The following PRKN variants were observed in gnomAD, a reference collection of about 807,000 sequenced individuals.
PRKN encodes E3 ubiquitin-protein ligase parkin.
PRKN carries 56 observed loss-of-function variants against 59.5 expected under a neutral mutation model. The ratio of observed to expected loss-of-function variants is 0.94; its 90% confidence interval spans 0.76 to 1.18. PRKN has a LOEUF of 1.18. PRKN is among the 50% of genes most tolerant of loss of function. The probability of loss-of-function intolerance (pLI) is 0.00; values close to 1 mark genes in which losing one functional copy is unlikely to be tolerated. For missense variants in PRKN, 657 were observed against 596.4 expected, an observed-to-expected ratio of 1.10 and a Z score of -1.06; for synonymous variants, 250 against 222.1, an observed-to-expected ratio of 1.13 and a Z score of -1.12.
At chr6:162,400,472 A>AAAAAAAAAG (rs1204875174) in intron 2 of PRKN, among the ~76,000 whole-genome samples, 1 of 151,266 alleles carries the variant, frequency 6.6e-6, no homozygotes, top group Non-Finnish European at 1.5e-5. Context: ...AAAAAAAAAA[A>AAAAAAAAAG]AAAAAAAGCT....
chr6:162,670,154 A>G (rs1028456031), intron 1 of PRKN, among the ~76,000 whole-genome samples: 1 of 152,182 alleles, frequency 6.6e-6, no homozygotes, highest in Non-Finnish European at 1.5e-5. Context: ...GAACTCTATC[A>G]ATTTCAAACT....
At chr6:161,829,849 C>CAAAAA (rs11457054) in intron 6 of PRKN, among the ~76,000 whole-genome samples, 1 of 86,444 alleles carries the variant, frequency 1.2e-5, no homozygotes. Context: ...CACTAAATGC[C>CAAAAA]AAAAAAAAAA....
At chr6:162,720,929 A>C (rs1052664487) in intron 1 of PRKN, among the ~76,000 whole-genome samples, 8 of 152,238 alleles carry the variant, frequency 5.3e-5, no homozygotes, top group African/African-American at 1.9e-4. Context: ...TCAAAGAAGG[A>C]GATACAAACT....
At chr6:162,311,182 T>C (rs956940674) in intron 2 of PRKN, among the ~76,000 whole-genome samples, 7 of 152,210 alleles carry the variant, frequency 4.6e-5, no homozygotes, top group African/African-American at 7.2e-5. Flanking sequence ...GAAAGATTGC[T>C]GATTTATAAC....
chr6:161,809,701 A>C (rs1791483087), intron 6 of PRKN, among the ~76,000 whole-genome samples: 1 of 152,192 alleles, frequency 6.6e-6, no homozygotes, highest in South Asian at 2.1e-4. Context: ...TATACTGATA[A>C]TAAATTTTTC....
At chr6:162,153,666 G>C (rs1782373896) in intron 4 of PRKN, among the ~76,000 whole-genome samples, 1 of 152,140 alleles carries the variant, frequency 6.6e-6, no homozygotes, top group Admixed American at 6.6e-5. Flanking sequence ...AGTGATGAAA[G>C]AGGCCCTCAG....
Position 161,911,681 on chromosome 6 carries a change from G to A in PRKN, c.734+61621C>T, listed in dbSNP as rs543491387. Among the ~76,000 whole-genome samples, 14 of 152,226 alleles carry A rather than the reference G, an allele frequency of 9.2e-5. No individual in the cohort carries two copies. In the South Asian group the frequency reaches 1.9e-3, roughly 20 times the overall value. ...ACAGAGAGTATGGAAATAAATACCC[G>A]TCAGTATAGAAATGTAGTATATCAT... On this transcript the variant is annotated intron_variant, in intron 6 of 11. Coordinates refer to ENST00000366898, the MANE Select transcript of PRKN (RefSeq NM_004562.3).
rs184021411 is a variant in PRKN at position 161,444,850 on chromosome 6, G to A, written c.1084-57973C>T. ...CCCGTGGTTTTGGCCAGAGGTATTT[G>A]TTATCAGTTTAATAGATTTATTCCT... On this transcript the variant is annotated intron_variant, in intron 9 of 11. Transcript: ENST00000366898. This position sits in a 1 kb window ranked among gnomAD's most constrained non-coding sequence, Gnocchi z 5.6. 3.0e-4 allele frequency among the ~76,000 whole-genome samples: 46 copies of A among 152,222 alleles called. 1 individual carries two copies. The East Asian group carries it at 8.7e-3, about 29-fold the overall frequency.
At chr6:161,675,403 G>A (rs1379496290) in intron 7 of PRKN, among the ~76,000 whole-genome samples, 1 of 152,110 alleles carries the variant, frequency 6.6e-6, no homozygotes, top group African/African-American at 2.4e-5. Flanking sequence ...TCCTTGCAGA[G>A]AAACAACAAA....
chr6:161,974,585 T>A (rs985221038), intron 5 of PRKN, among the ~76,000 whole-genome samples: 11 of 152,170 alleles, frequency 7.2e-5, no homozygotes, highest in African/African-American at 2.7e-4. Flanking sequence ...ACCAAGGCGT[T>A]TGGCCAGCAA....
chr6:162,423,228 A>G (rs1274136088), intron 2 of PRKN, among the ~76,000 whole-genome samples: 2 of 152,174 alleles, frequency 1.3e-5, no homozygotes, highest in Non-Finnish European at 2.9e-5. Flanking sequence ...CTGGCTTTAT[A>G]TATGTACACA....
chr6:162,669,270 A>C lies in PRKN; in HGVS notation c.7+58392T>G, dbSNP rs376237676. 6.6e-5 allele frequency among the ~76,000 whole-genome samples: 10 copies of C among 152,232 alleles called. No individual in the cohort carries two copies. In the East Asian group the frequency reaches 1.4e-3, roughly 21 times the overall value. Reference sequence around the variant, plus strand: ...CATGTTCTTATGCTCTTCACATCTGAATAGATTAATAGCAACAAATTAGAA... The same window carrying C: ...CATGTTCTTATGCTCTTCACATCTGCATAGATTAATAGCAACAAATTAGAA... On this transcript the variant is annotated intron_variant, in intron 1 of 11. Transcript: ENST00000366898.
At chr6:162,674,098 G>T (rs1779445780) in intron 1 of PRKN, among the ~76,000 whole-genome samples, 1 of 152,160 alleles carries the variant, frequency 6.6e-6, no homozygotes, top group Admixed American at 6.5e-5. Flanking sequence ...CTCAATGTAT[G>T]CCAAATCTGT....
At chr6:161,805,123 G>A (rs888733096) in intron 6 of PRKN, among the ~76,000 whole-genome samples, 14 of 152,098 alleles carry the variant, frequency 9.2e-5, no homozygotes, top group African/African-American at 3.1e-4. Context: ...AACAGTGGGA[G>A]GCTTCTGAAT....
At chr6:162,047,401 G>C (rs1013562970) in intron 5 of PRKN, among the ~76,000 whole-genome samples, 39 of 152,196 alleles carry the variant, frequency 2.6e-4, no homozygotes, top group Middle Eastern at 3.4e-3. Flanking sequence ...GACGAGCATG[G>C]GCAACACAAG....
rs367621196 is a variant in PRKN at position 162,564,624 on chromosome 6, A to G, written c.8-121151T>C. On this transcript the variant is annotated intron_variant, in intron 1 of 11. Transcript: ENST00000366898. ...CAGCAAAAGGAAAGAAATAAATAAC[A>G]TACAATGGAGCTCCAAAACATCTGG... Among the ~76,000 whole-genome samples, 13 of 152,302 alleles carry G rather than the reference A, an allele frequency of 8.5e-5. No individual in the cohort carries two copies. In the East Asian group the frequency reaches 2.5e-3, roughly 29 times the overall value.
intron 5 of PRKN, among the ~76,000 whole-genome samples, chr6:162,040,159 G>A (rs999380866): frequency 6.6e-6 from 1 of 152,072 alleles, no homozygotes; most frequent in Admixed American, 6.6e-5. Context: ...GGGTTCCTTA[G>A]CCATCTCTCT....
In PRKN at chr6:161,370,047, T is replaced by G; in HGVS notation, c.1168-9842A>C. ...TACTTTGTTATTGTAATCATCACGA[T>G]CATCTCTAAAGAGATGGGAATATGA... On this transcript the variant is annotated intron_variant, in intron 10 of 11. Transcript: ENST00000366898. 3 of 433,374 alleles carry G rather than the reference T, an allele frequency of 6.9e-6. No individual in the cohort carries two copies. The Admixed American group carries it at 7.1e-5, about 10-fold the overall frequency. 26.8% of individuals were successfully genotyped at this position (433,374 alleles called of 1,614,324 possible). A position where few individuals can be genotyped will look rare whatever the true frequency, so the allele number is the denominator to read the frequency against.
intron 7 of PRKN, among the ~76,000 whole-genome samples, chr6:161,732,278 G>A (rs968664982): frequency 1.3e-5 from 2 of 151,898 alleles, no homozygotes; most frequent in African/African-American, 4.8e-5. Context: ...GTACAGACAG[G>A]GTTTCACCAT....
Sources: allele counts gnomAD v4.1 joint callset (sites outside exome capture counted in the v4.1 genomes callset), GRCh38; gene constraint gnomAD v4.1.1; non-coding constraint Gnocchi (gnomAD v3.1); transcripts MANE v1.5; gene names NCBI Gene and HGNC (gene_info 2026-07-23, HGNC 2026-07-21).